The following CASK variants were observed in gnomAD, a reference collection of about 807,000 sequenced individuals.
CASK encodes the protein peripheral plasma membrane protein CASK.
CASK carries 4 observed loss-of-function variants against 82.9 expected under a neutral mutation model. That is an observed-to-expected ratio of 0.05 (90% confidence interval 0.02 to 0.11). The LOEUF is 0.11. Ranked by LOEUF, CASK falls within the 10% of genes least tolerant of loss-of-function variation. The probability of loss-of-function intolerance (pLI) is 1.00; values close to 1 mark genes in which losing one functional copy is unlikely to be tolerated. For missense variants in CASK, 358 were observed against 720.9 expected, an observed-to-expected ratio of 0.50 and a Z score of 5.76; for synonymous variants, 259 against 253.5, an observed-to-expected ratio of 1.02 and a Z score of -0.20.
intron 2 of CASK, among the ~76,000 whole-genome samples, chrX:41,796,068 C>G (rs1233846328): frequency 9.0e-6 from 1 of 111,340 alleles, no homozygotes; most frequent in Non-Finnish European, 1.9e-5. Context: ...CCAGGCAAAC[C>G]AAGATGACTG....
At position 41,520,546 on chromosome X, in the gene CASK, T is replaced by C. The variant is rs1423700446; in HGVS notation, c.2655A>G (p.Thr885=). The C allele has an allele frequency of 8.3e-7, 1 of 1,206,852 alleles. No homozygotes were observed. Among genetic ancestry groups the C allele is most frequent in the Non-Finnish European group, 1.1e-6 (1 of 891,295 alleles). ...TTGTGAGATCGAAGTAGTGTGCATA[T>C]GTTCTCTGTAAGATGTCAGACTCCT... ...LQKESDILQR[T]YAHYFDLTII... is the part of the protein sequence containing the mutation. Residue 885 remains threonine, a synonymous_variant, in exon 27 of 27, where the codon ACA becomes ACG. Transcript: ENST00000378163.
At chrX:41,614,903 C>T (rs2066167694) in intron 11 of CASK, among the ~76,000 whole-genome samples, 1 of 110,874 alleles carries the variant, frequency 9.0e-6, no homozygotes, top group African/African-American at 3.3e-5. Context: ...ACTGCAACCT[C>T]GACCTCCTGT....
intron 1 of CASK, among the ~76,000 whole-genome samples, chrX:41,884,174 G>C (rs1035598719): frequency 1.8e-5 from 2 of 112,316 alleles, no homozygotes; most frequent in African/African-American, 3.2e-5. Flanking sequence ...GCAGGACAGA[G>C]AGTCTTTGCT....
At chrX:41,604,709 T>C (rs761071723) in intron 12 of CASK, among the ~76,000 whole-genome samples, 2 of 112,107 alleles carry the variant, frequency 1.8e-5, no homozygotes, top group South Asian at 7.4e-4. Flanking sequence ...AAGATCATCT[T>C]AGCACCAGTG....
intron 1 of CASK, among the ~76,000 whole-genome samples, chrX:41,918,763 T>C: frequency 8.9e-6 from 1 of 112,810 alleles, no homozygotes; most frequent in South Asian, 3.6e-4. Context: ...GTAAGAATTG[T>C]AAGCCTCTGA....
intron 5 of CASK, chrX:41,683,229 C>G (rs2067391049): frequency 9.0e-6 from 1 of 111,717 alleles, no homozygotes; most frequent in Admixed American, 9.5e-5. Flanking sequence ...CAGGCACAAT[C>G]CCACTACTGA....
chrX:41,684,327 T>G (rs1190532301), intron 5 of CASK, among the ~76,000 whole-genome samples: 1 of 111,731 alleles, frequency 9.0e-6, no homozygotes, highest in South Asian at 3.7e-4. Context: ...CATTGAGAAC[T>G]TGGCAACACT....
chrX:41,861,876 G>C (rs1420914786), intron 1 of CASK, among the ~76,000 whole-genome samples: 1 of 98,407 alleles, frequency 1.0e-5, no homozygotes, highest in Admixed American at 1.2e-4. Flanking sequence ...TATACATACA[G>C]TATATATAGT....
chrX:41,574,422 T>C (rs1418300512), intron 15 of CASK, among the ~76,000 whole-genome samples: 1 of 111,734 alleles, frequency 8.9e-6, no homozygotes, highest in Non-Finnish European at 1.9e-5. Flanking sequence ...ATATTTTGTT[T>C]TTTATATGTT....
chrX:41,516,010 T>A lies in CASK; in HGVS notation c.*4410A>T, dbSNP rs750862450. On this transcript the variant is annotated 3_prime_UTR_variant, in exon 27 of 27. Coordinates refer to ENST00000378163, the MANE Select transcript of CASK (RefSeq NM_001367721.1). ...GTCCATTTGCACAGGTTCGAGGGAG[T>A]TGATGGAGGGTCAGACGAGAGGTGG... is the stretch of plus-strand genomic sequence containing the variant. 1.8e-5 allele frequency: 2 copies of A among 111,682 alleles called. No individual in the cohort carries two copies. Among genetic ancestry groups the A allele is most frequent in the South Asian group, 7.5e-4 (2 of 2,677 alleles). The allele number at this position is 111,682 out of a possible 1,213,427, so 9.2% of individuals were successfully genotyped here. A position where few individuals can be genotyped will look rare whatever the true frequency, so the allele number is the denominator to read the frequency against.
chrX:41,905,607 A>G (rs2072457315), intron 1 of CASK, among the ~76,000 whole-genome samples: 3 of 113,201 alleles, frequency 2.7e-5, no homozygotes, highest in African/African-American at 6.4e-5. Flanking sequence ...TAGTGGCTAC[A>G]ATATAAAGCA....
chrX:41,532,803 C>T (rs916139735), intron 24 of CASK, among the ~76,000 whole-genome samples: 4 of 110,791 alleles, frequency 3.6e-5, no homozygotes, highest in African/African-American at 6.6e-5. Flanking sequence ...GCTGAAGAAC[C>T]GGCGTTACTA....
At chrX:41,627,092 A>G (rs2066390900) in intron 9 of CASK, among the ~76,000 whole-genome samples, 1 of 112,445 alleles carries the variant, frequency 8.9e-6, no homozygotes, top group Non-Finnish European at 1.9e-5. Context: ...TGGGTAAAAA[A>G]GTTAATATGG....
chrX:41,564,401 AC>A (rs2065278265), intron 16 of CASK, among the ~76,000 whole-genome samples: 1 of 111,655 alleles, frequency 9.0e-6, no homozygotes, highest in Admixed American at 9.6e-5. Flanking sequence ...TCTCTCCGAC[AC>A]CCAGGTGAGT....
chrX:41,623,569 C>T (rs1003868428), intron 10 of CASK, among the ~76,000 whole-genome samples: 1 of 110,896 alleles, frequency 9.0e-6, no homozygotes, highest in Non-Finnish European at 1.9e-5. Context: ...GGCCATCATG[C>T]CTGGCTAATT....
intron 1 of CASK, among the ~76,000 whole-genome samples, chrX:41,864,136 C>G (rs773866085): frequency 9.0e-6 from 1 of 111,449 alleles, no homozygotes; most frequent in East Asian, 2.8e-4. Context: ...TCTCCATAAC[C>G]AGGTAAACCT....
In CASK at chrX:41,621,122, TA is replaced by T. The variant is rs1294745037; in HGVS notation, c.1033+1494del. Among the ~76,000 whole-genome samples the T allele has an allele frequency of 3.3e-3, 332 of 99,704 alleles. 2 individuals carry two copies. The highest frequency in any genetic ancestry group is 5.7e-3 in the African/African-American group (158 of 27,591). The allele number at this position is 99,704 out of a possible 115,157, so 86.6% of individuals were successfully genotyped here. A position where few individuals can be genotyped will look rare whatever the true frequency, so the allele number is the denominator to read the frequency against. On this transcript the variant is annotated intron_variant, in intron 11 of 26. Transcript: ENST00000378163. Reference sequence around the variant, plus strand: ...AAATAACATGACAGGTTGGCTGATTTAAAAAAAAAAAAAAGAGGAGCGCTAA... The same window carrying T: ...AAATAACATGACAGGTTGGCTGATTTAAAAAAAAAAAAAGAGGAGCGCTAA...
At chrX:41,740,620 A>G (rs930997741) in intron 4 of CASK, among the ~76,000 whole-genome samples, 1 of 112,138 alleles carries the variant, frequency 8.9e-6, no homozygotes, top group Non-Finnish European at 1.9e-5. Context: ...ATTAATTGGA[A>G]AGGTTCCATT....
At chrX:41,885,277 C>T (rs1407569784) in intron 1 of CASK, among the ~76,000 whole-genome samples, 1 of 111,870 alleles carries the variant, frequency 8.9e-6, no homozygotes, top group Admixed American at 9.5e-5. Context: ...CAATAAAGAA[C>T]CTATTTTCCA....
Sources: gnomAD v4.1 joint callset for allele counts (sites outside exome capture counted in the v4.1 genomes callset) on GRCh38, gnomAD v4.1.1 for gene constraint, MANE v1.5 for transcripts, NCBI Gene and HGNC (gene_info 2026-07-23, HGNC 2026-07-21) for gene names.